The following OTUD5 variants were observed in gnomAD, a reference collection of about 807,000 sequenced individuals.
OTUD5 encodes the protein OTU domain-containing protein 5.
A neutral mutation model predicts 36.3 loss-of-function variants in OTUD5; 2 were observed. That is an observed-to-expected ratio of 0.06 (90% CI 0.02 to 0.17). OTUD5 has a LOEUF of 0.17. Ranked by LOEUF, OTUD5 falls within the 10% of genes least tolerant of loss-of-function variation. The probability of loss-of-function intolerance (pLI) is 1.00; values close to 1 mark genes in which losing one functional copy is unlikely to be tolerated. For synonymous variants in OTUD5, 234 were observed against 214.9 expected (o/e 1.09, Z -0.78); for missense variants, 233 against 512.3 (o/e 0.45, Z 5.26).
At chrX:48,944,067 G>T in intron 2 of OTUD5, 123 bp downstream of exon 2, 1 of 462,595 alleles carries the variant, frequency 2.2e-6, no homozygotes, top group Non-Finnish European at 3.7e-6. Flanking sequence ...CTTGAGGCTG[G>T]AGCCTAGAGT....
chrX:48,949,845 A>T (rs2064102276), intron 1 of OTUD5, among the ~76,000 whole-genome samples: 1 of 109,484 alleles, frequency 9.1e-6, no homozygotes. Flanking sequence ...AGAGGCCAGC[A>T]CTGTCTGAAA....
upstream of OTUD5, chrX:48,957,953 G>T: frequency 2.7e-6 from 1 of 376,981 alleles, no homozygotes; most frequent in Non-Finnish European, 3.4e-6. Flanking sequence ...ACTACCGGGT[G>T]GGGCCCCGGG....
chrX:48,926,208 T>C (rs989948859), intron 5 of OTUD5, among the ~76,000 whole-genome samples, 158 bp from the exon 6 acceptor site: 5 of 110,629 alleles, frequency 4.5e-5, no homozygotes, highest in Non-Finnish European at 9.5e-5. Flanking sequence ...TACCTCTTGA[T>C]TGGGGACCAA....
Position 48,923,086 on chromosome X carries a change from C to A in OTUD5, c.*88G>T. On this transcript the variant is annotated 3_prime_UTR_variant, in exon 9 of 9. Transcript: ENST00000376488. ...GGAGAGCAGAAAGAACAGAAGGAGG[C>A]AAGAGGGAAGAAGCCAAAGAAGGTG... The A allele has an allele frequency of 8.3e-7, 1 of 1,197,985 alleles. No individual in the cohort carries two copies. Among genetic ancestry groups the A allele is most frequent in the East Asian group, 3.0e-5 (1 of 33,600 alleles).
chrX:48,946,300 G>A (rs1198654609), intron 1 of OTUD5, among the ~76,000 whole-genome samples: 8 of 112,082 alleles, frequency 7.1e-5, no homozygotes, highest in Non-Finnish European at 1.3e-4. Context: ...GGACAGAGCT[G>A]TGAGGAGTTT....
Position 48,957,101 on chromosome X carries a change from C to A in OTUD5, c.470G>T (p.Gly157Val). 1 of 1,177,306 alleles carries A rather than the reference C, an allele frequency of 8.5e-7. No individual in the cohort carries two copies. The highest frequency in any genetic ancestry group is 1.9e-5 in the South Asian group (1 of 53,572). ...GHSKRRRQAPGVGAVGGGSPE... is the reference protein window; with the variant it reads ...GHSKRRRQAPVVGAVGGGSPE... ...ACTGCCCCCGCCAACCGCGCCAACC[C>A]CGGGAGCTTGACGTCGCCGCTTGCT... is the stretch of plus-strand genomic sequence containing the variant. The change falls in exon 1 of 9, where the codon GGG (glycine) becomes GTG (valine). Residue 157 changes from glycine (G) to valine (V), a missense_variant. Transcript: ENST00000376488.
chrX:48,951,341 G>A (rs782247727), intron 1 of OTUD5, among the ~76,000 whole-genome samples: 39 of 112,387 alleles, frequency 3.5e-4, no homozygotes, highest in Non-Finnish European at 4.0e-4. Flanking sequence ...GGGGCCAGGC[G>A]TGGTGGCTCA....
intron 1 of OTUD5, among the ~76,000 whole-genome samples, chrX:48,946,650 A>C (rs1557052495): frequency 8.9e-6 from 1 of 112,124 alleles, no homozygotes; most frequent in Non-Finnish European, 1.9e-5. Flanking sequence ...AAGCCTGTGG[A>C]TTAACACACT....
chrX:48,945,968 A>C (rs1042851491), intron 1 of OTUD5, among the ~76,000 whole-genome samples: 1 of 111,460 alleles, frequency 9.0e-6, no homozygotes, highest in Non-Finnish European at 1.9e-5. Flanking sequence ...AGAAGCAGCC[A>C]GCCTGACCTA....
chrX:48,935,096 G>T, intron 2 of OTUD5, 78 bp from the exon 3 acceptor site: 1 of 950,393 alleles, frequency 1.1e-6, no homozygotes, highest in Non-Finnish European at 1.5e-6. Flanking sequence ...ATCCTTTGGG[G>T]AGGAGGAACT....
chrX:48,944,513 G>C (rs1316803001), intron 1 of OTUD5, among the ~76,000 whole-genome samples: 1 of 112,161 alleles, frequency 8.9e-6, no homozygotes, highest in Non-Finnish European at 1.9e-5. Context: ...GGTGCCCTGA[G>C]AACAGTGGCC....
chrX:48,933,333 T>C (rs997572625), intron 5 of OTUD5, among the ~76,000 whole-genome samples: 1 of 111,712 alleles, frequency 9.0e-6, no homozygotes, highest in Non-Finnish European at 1.9e-5. Context: ...TATGTCGATA[T>C]TGGCTCATTA....
At chrX:48,950,046 G>C (rs1199161714) in intron 1 of OTUD5, among the ~76,000 whole-genome samples, 1 of 108,582 alleles carries the variant, frequency 9.2e-6, no homozygotes, top group African/African-American at 3.4e-5. Flanking sequence ...CTACTCAGGA[G>C]GGTGAGGCAG....
intron 1 of OTUD5, among the ~76,000 whole-genome samples, chrX:48,955,198 G>A (rs1442571240): frequency 5.4e-5 from 6 of 111,834 alleles, no homozygotes; most frequent in African/African-American, 2.0e-4. Flanking sequence ...CCCGAGGCAG[G>A]AAGTCTTATG....
At chrX:48,945,412 A>G (rs1203386420) in intron 1 of OTUD5, among the ~76,000 whole-genome samples, 1 of 108,323 alleles carries the variant, frequency 9.2e-6, no homozygotes, top group African/African-American at 3.4e-5. Context: ...CTGGGACTAC[A>G]GGCGCCTGCC....
intron 1 of OTUD5, among the ~76,000 whole-genome samples, chrX:48,954,308 G>A (rs2064198130): frequency 9.0e-6 from 1 of 110,696 alleles, no homozygotes; most frequent in South Asian, 3.8e-4. Flanking sequence ...GACTGCAAGG[G>A]GCATAAGGAA....
chrX:48,944,673 G>A (rs1330676083), intron 1 of OTUD5, among the ~76,000 whole-genome samples: 2 of 111,938 alleles, frequency 1.8e-5, no homozygotes, highest in Non-Finnish European at 3.8e-5. Context: ...GTGGTGAAGA[G>A]GGGGTAACTA....
Position 48,957,322 on chromosome X carries a change from C to A in OTUD5, c.249G>T (p.Leu83=). The change falls in exon 1 of 9, where the codon CTG becomes CTT. Residue 83 remains leucine (L), a synonymous_variant. Transcript: ENST00000376488. ...CCGCCACTGCACCAGGCGGCACGGCCAGCGCCCAGCGATGAAGAGCGCCCG... is the reference window on the plus strand; with the variant it reads ...CCGCCACTGCACCAGGCGGCACGGCAAGCGCCCAGCGATGAAGAGCGCCCG... ...GPPGALHRWA[L]AVPPGAVAGP... is the part of the protein sequence containing the mutation. 1.8e-6 allele frequency: 2 copies of A among 1,133,280 alleles called. No homozygotes were observed. Among genetic ancestry groups the A allele is most frequent in the Non-Finnish European group, 2.3e-6 (2 of 865,383 alleles). The allele number at this position is 1,133,280 out of a possible 1,213,427, so 93.4% of individuals were successfully genotyped here.
rs917487743 is a variant in OTUD5, at chrX:48,932,169, T to C, written c.1059+2295A>G. On this transcript the variant is annotated intron_variant, in intron 5 of 8. Transcript: ENST00000376488. The stretch of plus-strand genomic sequence containing the variant: ...CGTCTCAAAAAAAAGATGATAATAA[T>C]AATAATAATAATAATAATAATAATA... Among the ~76,000 whole-genome samples, 296 of 102,290 alleles carry C rather than the reference T, an allele frequency of 2.9e-3. 1 individual carries two copies. The highest frequency in any genetic ancestry group is 4.2e-3 in the Non-Finnish European group (213 of 50,517). The allele number at this position is 102,290 out of a possible 115,157, so 88.8% of individuals were successfully genotyped here. A position where few individuals can be genotyped will look rare whatever the true frequency, so the allele number is the denominator to read the frequency against.
Sources: gnomAD v4.1 joint callset for allele counts (sites outside exome capture counted in the v4.1 genomes callset) on GRCh38, gnomAD v4.1.1 for gene constraint, MANE v1.5 for transcripts, NCBI Gene and HGNC (gene_info 2026-07-23, HGNC 2026-07-21) for gene names.